NKD1: variants seen among roughly 807,000 people sequenced by gnomAD.
The protein encoded by NKD1 is NKD inhibitor of Wnt signaling pathway 1, also known as protein naked cuticle homolog 1.
A neutral mutation model predicts 56.0 loss-of-function variants in NKD1; 21 were observed. The observed-to-expected ratio is 0.38, with a 90% CI of 0.27 to 0.54. The LOEUF is 0.54. NKD1 is among the 20% of genes least tolerant of loss of function. The pLI is 0.82. For synonymous variants in NKD1, 263 were observed against 265.7 expected, an observed-to-expected ratio of 0.99 and a Z score of 0.10; for missense variants, 578 against 642.7, an observed-to-expected ratio of 0.90 and a Z score of 1.09.
intron 3 of NKD1, chr16:50,556,320 T>C (rs1960503246): frequency 6.6e-6 from 1 of 152,258 alleles, no homozygotes; most frequent in Non-Finnish European, 1.5e-5. Flanking sequence ...ACATAAGTAA[T>C]TCTTTGATAG....
At chr16:50,589,679 A>G (rs1026289883) in intron 3 of NKD1, among the ~76,000 whole-genome samples, 1 of 148,938 alleles carries the variant, frequency 6.7e-6, no homozygotes, top group Admixed American at 6.7e-5. Flanking sequence ...GCCTTTGCTG[A>G]ATGCTTTCTT....
intron 3 of NKD1, among the ~76,000 whole-genome samples, chr16:50,578,545 T>C (rs1018395849): frequency 3.9e-5 from 6 of 152,200 alleles, no homozygotes; most frequent in Admixed American, 1.3e-4. Flanking sequence ...CCTCTTTTAC[T>C]GTGCGGAGTG....
At chr16:50,571,102 A>G (rs907123994) in intron 3 of NKD1, 1 of 631,552 alleles carries the variant, frequency 1.6e-6, no homozygotes, top group Admixed American at 6.3e-5. Flanking sequence ...AGTGGAGGGG[A>G]AGGAGGGGCT....
intron 4 of NKD1, among the ~76,000 whole-genome samples, chr16:50,617,821 A>C (rs918941019): frequency 6.6e-6 from 1 of 152,208 alleles, no homozygotes; most frequent in Non-Finnish European, 1.5e-5. Flanking sequence ...TAATAGGTGA[A>C]ACTGTCTGTG....
rs574622414 is a variant in NKD1, at chr16:50,588,598, C to CTT, written c.193-19673_193-19672dup. ...GTTTCTTTTCTTTTCTTTTCTTCTG[C>CTT]TTTTTTTTTTTTTTTTTTTTTTTTG... On this transcript the variant is annotated intron_variant, in intron 3 of 9. Coordinates refer to ENST00000268459, the MANE Select transcript of NKD1 (RefSeq NM_033119.5). 5.9e-3 allele frequency among the ~76,000 whole-genome samples: 561 copies of CTT among 94,664 alleles called. 7 individuals are homozygous for CTT. The highest frequency in any genetic ancestry group is 7.7e-3 in the African/African-American group (186 of 24,258). 62.1% of individuals were successfully genotyped at this position (94,664 alleles called of 152,430 possible).
intron 5 of NKD1, chr16:50,625,262 C>T (rs1251934724): frequency 1.2e-5 from 7 of 585,056 alleles, no homozygotes; most frequent in Non-Finnish European, 2.1e-5. Flanking sequence ...CACCAGGCAC[C>T]CCTGCAGGCA....
At chr16:50,584,888 T>G (rs1314950498) in intron 3 of NKD1, among the ~76,000 whole-genome samples, 4 of 152,186 alleles carry the variant, frequency 2.6e-5, no homozygotes, top group African/African-American at 9.7e-5. Flanking sequence ...ATCTGAGGGC[T>G]CTGGGCTGTC....
intron 7 of NKD1, 107 bp downstream of exon 7, chr16:50,630,440 C>G: frequency 7.8e-7 from 1 of 1,285,112 alleles, no homozygotes; most frequent in Non-Finnish European, 1.1e-6. Context: ...TCTGGGGCAG[C>G]TGCTTTGTGG....
At chr16:50,573,955 C>A (rs781119683) in intron 3 of NKD1, 7 of 984,796 alleles carry the variant, frequency 7.1e-6, no homozygotes, top group South Asian at 9.4e-5. Context: ...TTTTAACACA[C>A]ATGTATATGA....
chr16:50,630,905 G>A lies in NKD1; in HGVS notation c.690G>A (p.Pro230=), dbSNP rs115496131. ...GCTGGGAGAAGAAGCAGCGAGCCCC[G>A]CTCAGGTATGTGGGCATGGTGCACA... is the stretch of plus-strand genomic sequence containing the variant. ...LRSWEKKQRA[P]LRFQGDSRLE... Residue 230 remains proline, a synonymous_variant, in exon 8 of 10, where the codon CCG becomes CCA. Coordinates refer to ENST00000268459, the MANE Select transcript of NKD1 (RefSeq NM_033119.5). 16 of 1,586,442 alleles carry A rather than the reference G, an allele frequency of 1.0e-5. No individual in the cohort carries two copies. The highest frequency in any genetic ancestry group is 3.3e-4 in the Middle Eastern group (2 of 6,024).
At position 50,636,933 on chromosome 16, in the gene NKD1, A is replaced by G. The variant is rs1962480265; in HGVS notation, c.*3152A>G. ...CCACCCCACCCTTTTATTTTTACACAAGGAGCATAGTGTTCATACTTATGC... is the reference window on the plus strand; with the variant it reads ...CCACCCCACCCTTTTATTTTTACACGAGGAGCATAGTGTTCATACTTATGC... On this transcript the variant is annotated 3_prime_UTR_variant, in exon 10 of 10. Transcript: ENST00000268459. 1 of 152,170 alleles carries G rather than the reference A, an allele frequency of 6.6e-6. No individual in the cohort carries two copies. Among genetic ancestry groups the G allele is most frequent in the Admixed American group, 6.5e-5 (1 of 15,280 alleles). The allele number at this position is 152,170 out of a possible 1,614,324, so 9.4% of individuals were successfully genotyped here.
chr16:50,570,094 A>T lies in NKD1; in HGVS notation c.192+20539A>T, dbSNP rs78907913. 4.4e-3 allele frequency among the ~76,000 whole-genome samples: 676 copies of T among 152,328 alleles called. 3 individuals carry two copies. The highest frequency in any genetic ancestry group is 0.016 in the African/African-American group (651 of 41,566). On this transcript the variant is annotated intron_variant, in intron 3 of 9. Transcript: ENST00000268459. ...GTCAACTTTTTTTTATTAATAATTT[A>T]AAAAAATCACATGTAACGATAGTAT... is the stretch of plus-strand genomic sequence containing the variant.
chr16:50,589,305 G>A (rs759939125), intron 3 of NKD1, among the ~76,000 whole-genome samples: 1 of 152,178 alleles, frequency 6.6e-6, no homozygotes, highest in African/African-American at 2.4e-5. Flanking sequence ...GTTTCCTCGC[G>A]CCAGTCCCTC....
chr16:50,616,659 T>C (rs1961967814), intron 4 of NKD1, among the ~76,000 whole-genome samples: 1 of 152,146 alleles, frequency 6.6e-6, no homozygotes, highest in Admixed American at 6.6e-5. Context: ...GAAACTTGCT[T>C]TCTGGCTGTG....
chr16:50,556,360 A>G (rs60493152), intron 3 of NKD1: 5,616 of 152,392 alleles, frequency 0.037, 348 homozygotes, highest in African/African-American at 0.13. Flanking sequence ...GGAGCTGTTT[A>G]GCCTTGTGGG....
rs1469011200 is a variant in NKD1 at position 50,598,267 on chromosome 16, G to GCA, written c.193-10023_193-10022dup. Among the ~76,000 whole-genome samples, 1 of 151,794 alleles carries GCA rather than the reference G, an allele frequency of 6.6e-6. No individual in the cohort carries two copies. The highest frequency in any genetic ancestry group is 1.9e-4 in the East Asian group (1 of 5,164). On this transcript the variant is annotated intron_variant, in intron 3 of 9. Coordinates refer to ENST00000268459, the MANE Select transcript of NKD1 (RefSeq NM_033119.5). The surrounding 1 kb of genome is among the most constrained non-coding windows in gnomAD (Gnocchi z 4.2). ...TGTGTGTGTGTGTGTGTGTGTGCGC[G>GCA]CACACCTGTGCTCATGGACACTCTT...
chr16:50,630,342 T>A lies in NKD1; in HGVS notation c.610+9T>A. ...CCTTGTCAATCAGGCTGGTGAGGGC[T>A]GCAGGGCTGAGCCTGGGAAACAATG... On this transcript the variant is annotated intron_variant, in intron 7 of 9. Transcript: ENST00000268459. The A allele has an allele frequency of 6.2e-7, 1 of 1,613,828 alleles. No individual in the cohort carries two copies. Among genetic ancestry groups the A allele is most frequent in the Non-Finnish European group, 8.5e-7 (1 of 1,179,890 alleles).
In NKD1 at chr16:50,633,367, A is replaced by G; in HGVS notation, c.999A>G (p.Gln333=). 2 of 1,614,074 alleles carry G rather than the reference A, an allele frequency of 1.2e-6. No individual in the cohort carries two copies. The highest frequency in any genetic ancestry group is 8.5e-7 in the Non-Finnish European group (1 of 1,179,972). Residue 333 remains glutamine (Q), a synonymous_variant, in exon 10 of 10, where the codon CAA becomes CAG. Transcript: ENST00000268459. This position sits in a 1 kb window ranked among gnomAD's most constrained non-coding sequence, Gnocchi z 4.9. ...TPIAKVSELQ[Q]RLRGTQDGSK... ...TCGCCAAGGTCTCAGAGCTCCAGCA[A>G]CGGCTCCGGGGCACCCAGGACGGGA...
At chr16:50,586,625 C>A (rs1961236154) in intron 3 of NKD1, among the ~76,000 whole-genome samples, 1 of 152,210 alleles carries the variant, frequency 6.6e-6, no homozygotes, top group Non-Finnish European at 1.5e-5. Flanking sequence ...AATGGGAGCA[C>A]ACCCACCTTC....
Sources: gnomAD v4.1 joint callset for allele counts (sites outside exome capture counted in the v4.1 genomes callset) on GRCh38, gnomAD v4.1.1 for gene constraint, Gnocchi (gnomAD v3.1) non-coding constraint, MANE v1.5 for transcripts, NCBI Gene and HGNC (gene_info 2026-07-23, HGNC 2026-07-21) for gene names.